Variants in UNC13C observed in about 807,000 individuals in gnomAD.
UNC13C encodes the protein unc-13 homolog C.
UNC13C carries 174 observed loss-of-function variants against 245.4 expected under a neutral mutation model. The ratio of observed to expected loss-of-function variants is 0.71; its 90% CI spans 0.63 to 0.80. The LOEUF (loss-of-function observed/expected upper bound fraction) is 0.80. Among genes scored for constraint, UNC13C ranks in the 30% least tolerant of loss-of-function variants. The pLI is 0.00. For synonymous variants in UNC13C, 992 were observed against 895.1 expected, an observed-to-expected ratio of 1.11 and a Z score of -1.93; for missense variants, 2,829 against 2,602.9, an observed-to-expected ratio of 1.09 and a Z score of -1.89.
intron 30 of UNC13C, among the ~76,000 whole-genome samples, chr15:54,571,976 C>T (rs980233286): frequency 6.6e-6 from 1 of 152,178 alleles, no homozygotes; most frequent in Non-Finnish European, 1.5e-5. Flanking sequence ...TTTTTACTTA[C>T]TTATTTTTTT....
intron 2 of UNC13C, among the ~76,000 whole-genome samples, chr15:54,092,582 A>G (rs1899632136): frequency 6.6e-6 from 1 of 152,170 alleles, no homozygotes; most frequent in Non-Finnish European, 1.5e-5. Flanking sequence ...GAACCTGACA[A>G]AATCTGTCCC....
intron 10 of UNC13C, among the ~76,000 whole-genome samples, chr15:54,271,893 G>A (rs925710973): frequency 2.6e-5 from 4 of 152,100 alleles, no homozygotes; most frequent in African/African-American, 9.7e-5. Context: ...CTTACTTCTT[G>A]GAGTATCCAT....
chr15:54,295,084 T>C (rs1316130966), intron 11 of UNC13C, among the ~76,000 whole-genome samples: 1 of 152,168 alleles, frequency 6.6e-6, no homozygotes, highest in South Asian at 2.1e-4. Context: ...TGTACTCTTA[T>C]GTATTGGAGT....
intron 4 of UNC13C, among the ~76,000 whole-genome samples, chr15:54,149,397 G>A (rs1366766945): frequency 6.6e-6 from 1 of 152,136 alleles, no homozygotes; most frequent in Non-Finnish European, 1.5e-5. Flanking sequence ...GTGAAATAGA[G>A]ATTTCTACTT....
rs757490737 is a variant in UNC13C at position 54,627,043 on chromosome 15, C to T, written c.6575C>T (p.Thr2192Ile). 1 of 1,613,168 alleles carries T rather than the reference C, an allele frequency of 6.2e-7. No homozygotes were observed. Among genetic ancestry groups the T allele is most frequent in the East Asian group, 2.2e-5 (1 of 44,834 alleles). The change falls in exon 33 of 33, where the codon ACC becomes ATC. Residue 2192 changes from threonine to isoleucine, a missense_variant. Thr to Ile is a moderately conservative substitution (Grantham distance 89). Transcript: ENST00000260323. ...ATCCTTAGAATACTCTCTCAGAGGA[C>T]CAGTGATGATGTGGCTAAAGAATTT... is the stretch of plus-strand genomic sequence containing the variant. ...LTILRILSQRTSDDVAKEFVR... is the reference protein window; with the variant it reads ...LTILRILSQRISDDVAKEFVR...
At chr15:54,268,869 C>A (rs1177779299) in intron 10 of UNC13C, among the ~76,000 whole-genome samples, 2 of 151,934 alleles carry the variant, frequency 1.3e-5, no homozygotes, top group Non-Finnish European at 2.9e-5. Context: ...TATCATTACT[C>A]AACTCATTTC....
chr15:53,901,184 T>G, the UNC13C span, among the ~76,000 whole-genome samples: 1 of 151,794 alleles, frequency 6.6e-6, no homozygotes, highest in South Asian at 2.1e-4. Context: ...TTAAAGATTC[T>G]TAGTAAGCAT....
At chr15:54,270,887 C>G (rs1205078937) in intron 10 of UNC13C, among the ~76,000 whole-genome samples, 1 of 151,988 alleles carries the variant, frequency 6.6e-6, no homozygotes, top group Non-Finnish European at 1.5e-5. Flanking sequence ...CCCCTACATC[C>G]AAACTCTTCA....
intron 2 of UNC13C, among the ~76,000 whole-genome samples, chr15:54,135,363 A>G (rs1384101251): frequency 6.6e-6 from 1 of 152,174 alleles, no homozygotes; most frequent in Non-Finnish European, 1.5e-5. Context: ...ATCCAAGGAA[A>G]TTATTGCTAT....
At chr15:54,082,605 C>A (rs1414376720) in intron 2 of UNC13C, among the ~76,000 whole-genome samples, 1 of 152,108 alleles carries the variant, frequency 6.6e-6, no homozygotes, top group African/African-American at 2.4e-5. Flanking sequence ...GATCCATTGC[C>A]AGAGAGCTAA....
At chr15:54,023,967 T>C (rs1896001786) in intron 2 of UNC13C, among the ~76,000 whole-genome samples, 1 of 152,232 alleles carries the variant, frequency 6.6e-6, no homozygotes, top group Non-Finnish European at 1.5e-5. Flanking sequence ...GACATATTTT[T>C]ATAGAAATTA....
In UNC13C at chr15:54,087,412, T is replaced by C. The variant is rs540896485; in HGVS notation, c.2984-55606T>C. Among the ~76,000 whole-genome samples, 87 of 152,306 alleles carry C rather than the reference T, an allele frequency of 5.7e-4. 1 individual carries two copies. The highest frequency in any genetic ancestry group is 2.1e-3 in the African/African-American group (87 of 41,568). On this transcript the variant is annotated intron_variant, in intron 2 of 32. Coordinates refer to ENST00000260323, the MANE Select transcript of UNC13C (RefSeq NM_001080534.3). Reference sequence around the variant, plus strand: ...CTGCATTTTTGCAAAACCTAACTACTGAGAAAGTTCTTTTCTGCATGAGGT... The same window carrying C: ...CTGCATTTTTGCAAAACCTAACTACCGAGAAAGTTCTTTTCTGCATGAGGT...
chr15:54,035,295 C>T (rs1896528748), intron 2 of UNC13C, among the ~76,000 whole-genome samples: 1 of 152,106 alleles, frequency 6.6e-6, no homozygotes, highest in South Asian at 2.1e-4. Flanking sequence ...TGCAGAATAG[C>T]ATGTTACATG....
intron 13 of UNC13C, among the ~76,000 whole-genome samples, chr15:54,303,205 C>A (rs1458547682): frequency 1.3e-5 from 2 of 152,068 alleles, no homozygotes; most frequent in Non-Finnish European, 2.9e-5. Flanking sequence ...ATTGGTCAAC[C>A]ATAATAGAGT....
At chr15:54,571,328 G>A (rs1897744487) in intron 30 of UNC13C, among the ~76,000 whole-genome samples, 1 of 152,156 alleles carries the variant, frequency 6.6e-6, no homozygotes, top group African/African-American at 2.4e-5. Context: ...CAGGGGAACT[G>A]CCGTTTATAA....
intron 24 of UNC13C, among the ~76,000 whole-genome samples, chr15:54,513,743 G>C (rs553903010): frequency 6.6e-6 from 1 of 152,294 alleles, no homozygotes; most frequent in African/African-American, 2.4e-5. Flanking sequence ...AAATAAATCA[G>C]TGAAATAAAA....
chr15:54,195,357 C>T (rs1274254670), intron 4 of UNC13C, among the ~76,000 whole-genome samples: 1 of 152,162 alleles, frequency 6.6e-6, no homozygotes, highest in Non-Finnish European at 1.5e-5. Flanking sequence ...CATTCCAAGA[C>T]ATTTTTGCAC....
intron 30 of UNC13C, among the ~76,000 whole-genome samples, chr15:54,598,077 G>A (rs1248708295): frequency 6.6e-6 from 1 of 152,160 alleles, no homozygotes; most frequent in Non-Finnish European, 1.5e-5. Context: ...CTCCTACAAT[G>A]AGTGAAAGAT....
downstream of UNC13C, chr15:54,629,331 C>A (rs559471979): frequency 6.6e-6 from 1 of 152,070 alleles, no homozygotes; most frequent in African/African-American, 2.4e-5. Context: ...TGTCACGCTA[C>A]GAAGCTTACT....
Sources: gnomAD v4.1 joint callset for allele counts (sites outside exome capture counted in the v4.1 genomes callset) on GRCh38, gnomAD v4.1.1 for gene constraint, MANE v1.5 for transcripts, NCBI Gene and HGNC (gene_info 2026-07-23, HGNC 2026-07-21) for gene names.